SGTB: variants seen among roughly 807,000 people sequenced by gnomAD.
SGTB encodes small glutamine rich tetratricopeptide repeat co-chaperone beta.
A neutral mutation model predicts 43.9 loss-of-function variants in SGTB; 19 were observed. The observed-to-expected ratio is 0.43, with a 90% confidence interval of 0.30 to 0.63. The LOEUF (loss-of-function observed/expected upper bound fraction) is 0.63, where lower values mean the gene tolerates loss of function less well. Among genes scored for constraint, SGTB ranks in the 30% least tolerant of loss-of-function variants. SGTB has a pLI of 0.12. For missense variants in SGTB, 304 were observed against 358.9 expected, an observed-to-expected ratio of 0.85 and a Z score of 1.24; for synonymous variants, 116 against 117.3, an observed-to-expected ratio of 0.99 and a Z score of 0.07.
At chr5:65,700,122 T>C (rs1281744551) in intron 5 of SGTB, among the ~76,000 whole-genome samples, 1 of 152,224 alleles carries the variant, frequency 6.6e-6, no homozygotes, top group Non-Finnish European at 1.5e-5. Context: ...TATATAGTTA[T>C]GCTATCTAGA....
At chr5:65,681,962 C>T (rs2112511) in intron 6 of SGTB, among the ~76,000 whole-genome samples, 10,628 of 147,302 alleles carry the variant, frequency 0.072, 386 homozygotes, top group East Asian at 0.1. Context: ...AAAACAAGAG[C>T]GAAATTCCAT....
intron 3 of SGTB, 109 bp from the exon 4 acceptor site, chr5:65,708,667 C>A: frequency 1.3e-6 from 1 of 760,100 alleles, no homozygotes; most frequent in South Asian, 2.6e-5. Flanking sequence ...TCTGTAACTC[C>A]ACATCATGAA....
chr5:65,680,767 A>G lies in SGTB; in HGVS notation c.507T>C (p.Phe169=), dbSNP rs774756923. 1 of 1,613,776 alleles carries G rather than the reference A, an allele frequency of 6.2e-7. No individual in the cohort carries two copies. Among genetic ancestry groups the G allele is most frequent in the Non-Finnish European group, 8.5e-7 (1 of 1,179,992 alleles). Residue 169 remains phenylalanine, a synonymous_variant, in exon 7 of 11, where the codon TTT becomes TTC. Transcript: ENST00000381007. ...MGLALTALNK[F]EEAVTSYQKA... is the part of the protein sequence containing the mutation. ...TTTGATAACTTGTAACTGCTTCTTC[A>G]AATTTATTCAAGGCAGTGAGGGCCA...
chr5:65,671,986 C>A lies in SGTB; in HGVS notation c.732G>T (p.Met244Ile). The change falls in exon 10 of 11, where the codon ATG becomes ATT. Residue 244 changes from methionine (M) to isoleucine (I), a missense_variant. Coordinates refer to ENST00000381007, the MANE Select transcript of SGTB (RefSeq NM_019072.3). ...NPQVQQLMSG[M>I]MTNAIGGPAA... ...CAGGTCCCCCAATGGCATTTGTCAT[C>A]ATTCCTGACATTCTAGAGTACACAA... The A allele has an allele frequency of 1.9e-6, 3 of 1,613,968 alleles. No individual in the cohort carries two copies. Among genetic ancestry groups the A allele is most frequent in the South Asian group, 2.2e-5 (2 of 91,070 alleles).
At chr5:65,677,350 C>CAAAAAAAAAAAAAAAAAAACAAAAAAAA in intron 8 of SGTB, among the ~76,000 whole-genome samples, 1 of 98,186 alleles carries the variant, frequency 1.0e-5, no homozygotes, top group African/African-American at 3.6e-5. Context: ...GCCTACCAAC[C>CAAAAAAAAAAAAAAAAAAACAAAAAAAA]AAAAAAAAAA....
chr5:65,713,570 G>A (rs765307461), intron 2 of SGTB, among the ~76,000 whole-genome samples: 16 of 152,072 alleles, frequency 1.1e-4, no homozygotes, highest in African/African-American at 2.7e-4. Context: ...CTCCTACCTC[G>A]GCCTCCCAAA....
At position 65,719,499 on chromosome 5, in the gene SGTB, G is replaced by A. The variant is rs920863071; in HGVS notation, c.100+1209C>T. On this transcript the variant is annotated intron_variant, in intron 2 of 10. Coordinates refer to ENST00000381007, the MANE Select transcript of SGTB (RefSeq NM_019072.3). ...TCCCAGCTACTCAGGAGGCCGAGGT[G>A]GGAGGATCAATTGAGCCCAGGAGGT... Among the ~76,000 whole-genome samples, 24 of 152,046 alleles carry A rather than the reference G, an allele frequency of 1.6e-4. 1 individual carries two copies. In the East Asian group the frequency reaches 2.5e-3, roughly 16 times the overall value.
intron 8 of SGTB, among the ~76,000 whole-genome samples, chr5:65,673,916 A>T (rs963715037): frequency 2.6e-5 from 4 of 152,166 alleles, no homozygotes; most frequent in African/African-American, 9.7e-5. Context: ...TTAGCCTCCC[A>T]AAGTGCTGGG....
In SGTB at chr5:65,704,342, G is replaced by T; in HGVS notation, c.311C>A (p.Ala104Glu). 2 of 1,612,644 alleles carry T rather than the reference G, an allele frequency of 1.2e-6. No individual in the cohort carries two copies. The highest frequency in any genetic ancestry group is 1.7e-6 in the Non-Finnish European group (2 of 1,179,326). Residue 104 changes from alanine (A) to glutamate (E), a missense_variant, in exon 5 of 11, where the codon GCA becomes GAA. Physicochemically the swap from Ala to Glu is moderately radical, Grantham distance 107. Transcript: ENST00000381007. ...NHMKEENYAA[A>E]VDCYTQAIEL... ...TATTGCCTGTGTGTAACAATCCACT[G>T]CAGCAGCATAATTTTCTTCTTTCAT...
At chr5:65,722,286 A>T, upstream of SGTB, 1 of 1,056,596 alleles carries the variant, frequency 9.5e-7, no homozygotes, top group Non-Finnish European at 1.3e-6. Context: ...CCGGCTCGAG[A>T]CTCCCGGGCG....
chr5:65,683,187 G>A (rs1757432186), intron 6 of SGTB, among the ~76,000 whole-genome samples: 1 of 150,878 alleles, frequency 6.6e-6, no homozygotes, highest in African/African-American at 2.4e-5. Context: ...ACTGTAAACA[G>A]CAAAATCACA....
chr5:65,667,721 TG>T lies in SGTB; in HGVS notation c.*2524del, dbSNP rs1757067518. 6.6e-6 allele frequency: 1 copy of T among 152,184 alleles called. No individual in the cohort carries two copies. The highest frequency in any genetic ancestry group is 6.6e-5 in the Admixed American group (1 of 15,264). 9.4% of individuals were successfully genotyped at this position (152,184 alleles called of 1,614,324 possible). A position where few individuals can be genotyped will look rare whatever the true frequency, so the allele number is the denominator to read the frequency against. On this transcript the variant is annotated 3_prime_UTR_variant, in exon 11 of 11. Transcript: ENST00000381007. ...TCCTCTAAATTAGAGTCCTTGGATC[TG>T]TATCAAAACCACCTAGTGTACTGTT... is the stretch of plus-strand genomic sequence containing the variant.
At chr5:65,700,811 T>A (rs1394819495) in intron 5 of SGTB, among the ~76,000 whole-genome samples, 1 of 150,872 alleles carries the variant, frequency 6.6e-6, no homozygotes, top group Admixed American at 6.6e-5. Context: ...GGAGTTCAAC[T>A]CTGGCCTGCC....
At chr5:65,688,452 A>C (rs1290239753) in intron 5 of SGTB, among the ~76,000 whole-genome samples, 1 of 152,182 alleles carries the variant, frequency 6.6e-6, no homozygotes, top group African/African-American at 2.4e-5. Flanking sequence ...GTCCGCACAT[A>C]TGCACAGAAA....
At chr5:65,707,437 T>C (rs194465) in intron 4 of SGTB, among the ~76,000 whole-genome samples, 1,472 of 95,792 alleles carry the variant, frequency 0.015, 23 homozygotes, top group East Asian at 0.073. Context: ...CACACACACA[T>C]ATATTTTTTT....
At chr5:65,678,816 C>T (rs1001445529) in intron 8 of SGTB, among the ~76,000 whole-genome samples, 3 of 152,058 alleles carry the variant, frequency 2.0e-5, no homozygotes, top group African/African-American at 7.2e-5. Context: ...TGGACCCCTT[C>T]GTTATACCAT....
Position 65,675,437 on chromosome 5 carries a change from G to A in SGTB, c.682-3156C>T, listed in dbSNP as rs914670363. ...TGGCAGATTCCTGTGCCAATCTCATGAAAAATATGATGCTCTCCCTGGAAA... is the reference window on the plus strand; with the variant it reads ...TGGCAGATTCCTGTGCCAATCTCATAAAAAATATGATGCTCTCCCTGGAAA... On this transcript the variant is annotated intron_variant, in intron 8 of 10. Coordinates refer to ENST00000381007, the MANE Select transcript of SGTB (RefSeq NM_019072.3). Among the ~76,000 whole-genome samples, 3 of 152,242 alleles carry A rather than the reference G, an allele frequency of 2.0e-5. No homozygotes were observed. The South Asian group carries it at 6.2e-4, about 32-fold the overall frequency.
intron 3 of SGTB, 130 bp from the exon 4 acceptor site, chr5:65,708,688 T>A: frequency 3.4e-6 from 2 of 583,302 alleles, no homozygotes; most frequent in Non-Finnish European, 5.6e-6. Flanking sequence ...AACAACTTCC[T>A]AAATAATAGT....
intron 6 of SGTB, among the ~76,000 whole-genome samples, chr5:65,683,597 G>A (rs1222665560): frequency 2.0e-5 from 3 of 152,190 alleles, no homozygotes; most frequent in Non-Finnish European, 2.9e-5. Context: ...GACTGGAAAA[G>A]AGCATCCAGT....
Sources: allele counts gnomAD v4.1 joint callset (sites outside exome capture counted in the v4.1 genomes callset), GRCh38; gene constraint gnomAD v4.1.1; transcripts MANE v1.5; gene names NCBI Gene and HGNC (gene_info 2026-07-23, HGNC 2026-07-21).